CELF6: variants seen among roughly 807,000 people sequenced by gnomAD.
The protein encoded by CELF6 is Bruno -like 6, RNA binding protein.
Under a neutral mutation model 53.1 loss-of-function variants are expected in CELF6, and 32 were observed. The ratio of observed to expected loss-of-function variants is 0.60; its 90% CI spans 0.46 to 0.81. The LOEUF is 0.81. Ranked by LOEUF, CELF6 falls within the 30% of genes least tolerant of loss-of-function variation. The pLI, the probability that CELF6 is intolerant of heterozygous loss-of-function variation, is 0.00. For synonymous variants in CELF6, 291 were observed against 288.8 expected, an observed-to-expected ratio of 1.01 and a Z score of -0.08; for missense variants, 539 against 669.5, an observed-to-expected ratio of 0.81 and a Z score of 2.15.
chr15:72,294,932 T>G (rs1425454359), intron 3 of CELF6, among the ~76,000 whole-genome samples: 3 of 144,404 alleles, frequency 2.1e-5, no homozygotes, highest in African/African-American at 7.7e-5. Context: ...GAGCTGAGAT[T>G]GTGCCGCTGC....
chr15:72,290,334 G>C, intron 3 of CELF6, 79 bp from the exon 4 acceptor site: 1 of 1,503,076 alleles, frequency 6.7e-7, no homozygotes, highest in Non-Finnish European at 8.9e-7. Flanking sequence ...ACTTAGGAAG[G>C]CAGCTCACCA....
Position 72,288,738 on chromosome 15 carries a change from A to G in CELF6, c.1094-120T>C, listed in dbSNP as rs543457025. ...TCCACCATAACCCTCACCCCAAGAGAGGTCGTTCTGGGGGTAGGAGGGGAT... is the reference window on the plus strand; with the variant it reads ...TCCACCATAACCCTCACCCCAAGAGGGGTCGTTCTGGGGGTAGGAGGGGAT... On this transcript the variant is annotated intron_variant, in intron 9 of 12. Coordinates refer to ENST00000287202, the MANE Select transcript of CELF6 (RefSeq NM_052840.5). The surrounding 1 kb of genome is among the most constrained non-coding windows in gnomAD (Gnocchi z 4.6). The G allele has an allele frequency of 1.0e-3, 1,405 of 1,356,488 alleles. 3 individuals carry two copies. The highest frequency in any genetic ancestry group is 3.6e-3 in the South Asian group (290 of 80,580). 84.0% of individuals were successfully genotyped at this position (1,356,488 alleles called of 1,614,324 possible).
At chr15:72,290,335 C>T (rs2087989170) in intron 3 of CELF6, 80 bp from the exon 4 acceptor site, 3 of 1,496,504 alleles carry the variant, frequency 2.0e-6, no homozygotes, top group South Asian at 1.2e-5. Flanking sequence ...CTTAGGAAGG[C>T]AGCTCACCAG....
intron 2 of CELF6, 133 bp downstream of exon 2, chr15:72,315,712 A>G (rs1430690037): frequency 1.8e-6 from 1 of 563,088 alleles, no homozygotes; most frequent in Non-Finnish European, 3.1e-6. Flanking sequence ...GGGTACAGGA[A>G]GCCCTCTCCT....
intron 2 of CELF6, among the ~76,000 whole-genome samples, chr15:72,307,556 T>C (rs1353145690): frequency 6.6e-6 from 1 of 152,212 alleles, no homozygotes; most frequent in East Asian, 1.9e-4. Flanking sequence ...GGAATACAAG[T>C]GTCCCCATAT....
At chr15:72,311,503 C>T (rs1461617827) in intron 2 of CELF6, among the ~76,000 whole-genome samples, 1 of 151,368 alleles carries the variant, frequency 6.6e-6, no homozygotes, top group Non-Finnish European at 1.5e-5. Context: ...CCCAGGTTCA[C>T]GCCTTTCTCC....
chr15:72,308,608 G>A (rs186318643), intron 2 of CELF6, among the ~76,000 whole-genome samples: 2 of 152,178 alleles, frequency 1.3e-5, no homozygotes, highest in South Asian at 2.1e-4. Flanking sequence ...TGTGAAAACC[G>A]CATCAAGGAA....
intron 3 of CELF6, among the ~76,000 whole-genome samples, chr15:72,303,492 C>G (rs1017029853): frequency 1.3e-5 from 2 of 152,190 alleles, no homozygotes; most frequent in African/African-American, 4.8e-5. Context: ...GTCACCAGAA[C>G]TCTGTGTGTG....
chr15:72,303,084 G>A (rs2162235), intron 3 of CELF6, among the ~76,000 whole-genome samples: 113,794 of 152,232 alleles, frequency 0.75, 48,516 homozygotes, highest in Non-Finnish European at 0.94. Context: ...GATGTTGGTT[G>A]TGTGGTTGAA....
rs2087983666 is a variant in CELF6 at position 72,289,947 on chromosome 15, T to C, written c.595A>G (p.Thr199Ala). The change falls in exon 5 of 13, where the codon ACC becomes GCC. Residue 199 changes from threonine (T) to alanine (A), a missense_variant. Thr to Ala is a moderately conservative substitution (Grantham distance 58). Transcript: ENST00000287202. The surrounding 1 kb of genome is among the most constrained non-coding windows in gnomAD (Gnocchi z 7.6). Reference sequence around the variant, plus strand: ...AGGGAACCCGCCCTCACCGCCATGGTCCGGCTGCCGTGCAGACCCCGGATG... The same window carrying C: ...AGGGAACCCGCCCTCACCGCCATGGCCCGGCTGCCGTGCAGACCCCGGATG... The part of the protein sequence containing the change: ...AAIRGLHGSR[T>A]MAGASSSLVV... 2 of 1,568,634 alleles carry C rather than the reference T, an allele frequency of 1.3e-6. No individual in the cohort carries two copies. Among genetic ancestry groups the C allele is most frequent in the Non-Finnish European group, 1.7e-6 (2 of 1,158,096 alleles).
Position 72,288,982 on chromosome 15 carries a change from G to C in CELF6, c.1031-52C>G. 1 of 1,496,916 alleles carries C rather than the reference G, an allele frequency of 6.7e-7. No homozygotes were observed. The highest frequency in any genetic ancestry group is 9.1e-7 in the Non-Finnish European group (1 of 1,101,640). 92.7% of individuals were successfully genotyped at this position (1,496,916 alleles called of 1,614,324 possible). A position where few individuals can be genotyped will look rare whatever the true frequency, so the allele number is the denominator to read the frequency against. Reference sequence around the variant, plus strand: ...CAGTGAAGGCAAGCGGGCGAGCAGAGTGGGTGAGAAGCTCAGGGAGTGTGG... The same window carrying C: ...CAGTGAAGGCAAGCGGGCGAGCAGACTGGGTGAGAAGCTCAGGGAGTGTGG... On this transcript the variant is annotated intron_variant, in intron 8 of 12. Coordinates refer to ENST00000287202, the MANE Select transcript of CELF6 (RefSeq NM_052840.5). This position sits in a 1 kb window ranked among gnomAD's most constrained non-coding sequence, Gnocchi z 4.6.
chr15:72,315,174 G>A (rs1262121714), intron 2 of CELF6, among the ~76,000 whole-genome samples: 5 of 152,214 alleles, frequency 3.3e-5, no homozygotes, highest in African/African-American at 1.2e-4. Context: ...AAACAAGGCT[G>A]TATAGTATGA....
intron 1 of CELF6, among the ~76,000 whole-genome samples, chr15:72,316,647 G>A (rs879511424): frequency 4.6e-5 from 7 of 152,256 alleles, no homozygotes; most frequent in South Asian, 4.1e-4. Flanking sequence ...ATGGGTCAGC[G>A]AAGAGGTCTA....
At position 72,319,580 on chromosome 15, in the gene CELF6, GGGGCTGGGCT is replaced by G. The variant is rs752640728; in HGVS notation, c.262+23_262+32del. 2 of 1,510,606 alleles carry G rather than the reference GGGGCTGGGCT, an allele frequency of 1.3e-6. No homozygotes were observed. The highest frequency in any genetic ancestry group is 2.6e-5 in the South Asian group (2 of 77,338). 93.6% of individuals were successfully genotyped at this position (1,510,606 alleles called of 1,614,324 possible). On this transcript the variant is annotated intron_variant, in intron 1 of 12. Coordinates refer to ENST00000287202, the MANE Select transcript of CELF6 (RefSeq NM_052840.5). The surrounding 1 kb of genome is among the most constrained non-coding windows in gnomAD (Gnocchi z 5.0). Reference sequence around the variant, plus strand: ...GGTCGGGCCACACTCTAATCGGATTGGGGCTGGGCTGGGCTGGGCTGACCCCGCGCACCTT... The same window carrying G: ...GGTCGGGCCACACTCTAATCGGATTGGGGCTGGGCTGACCCCGCGCACCTT...
At chr15:72,290,278 C>A (rs149269869) in intron 3 of CELF6, 23 bp from the exon 4 acceptor site, 48 of 1,608,704 alleles carry the variant, frequency 3.0e-5, no homozygotes, top group Non-Finnish European at 3.9e-5. Flanking sequence ...CCAGGAATGA[C>A]CTGGGGACCC....
chr15:72,294,539 G>C lies in CELF6; in HGVS notation c.395-4284C>G, dbSNP rs140203289. On this transcript the variant is annotated intron_variant, in intron 3 of 12. Coordinates refer to ENST00000287202, the MANE Select transcript of CELF6 (RefSeq NM_052840.5). ...AGAGTCTCCTGGCCAGATGTGACAGGCATCAGGAGGGACTTAAATTCCACA... is the reference window on the plus strand; with the variant it reads ...AGAGTCTCCTGGCCAGATGTGACAGCCATCAGGAGGGACTTAAATTCCACA... Among the ~76,000 whole-genome samples, 554 of 152,314 alleles carry C rather than the reference G, an allele frequency of 3.6e-3. 4 individuals are homozygous for C. The highest frequency in any genetic ancestry group is 0.013 in the African/African-American group (525 of 41,572).
chr15:72,286,779 C>T (rs1382695033), intron 12 of CELF6, among the ~76,000 whole-genome samples: 1 of 152,232 alleles, frequency 6.6e-6, no homozygotes, highest in Non-Finnish European at 1.5e-5. Flanking sequence ...TCCATGTTCA[C>T]TGCCACTATC....
rs1426353691 is a variant in CELF6 at position 72,319,916 on chromosome 15, G to A, written c.-42C>T. On this transcript the variant is annotated 5_prime_UTR_variant, in exon 1 of 13. Transcript: ENST00000287202. The surrounding 1 kb of genome is among the most constrained non-coding windows in gnomAD (Gnocchi z 5.0). ...CCCTCCCGCCGGTCCCACTGGTCCCGCCTGTCCCGCCGTCCCCTCCCTGGA... is the reference window on the plus strand; with the variant it reads ...CCCTCCCGCCGGTCCCACTGGTCCCACCTGTCCCGCCGTCCCCTCCCTGGA... The A allele has an allele frequency of 2.1e-6, 3 of 1,417,682 alleles. No individual in the cohort carries two copies. The highest frequency in any genetic ancestry group is 2.7e-6 in the Non-Finnish European group (3 of 1,093,492). 87.8% of individuals were successfully genotyped at this position (1,417,682 alleles called of 1,614,324 possible). A position where few individuals can be genotyped will look rare whatever the true frequency, so the allele number is the denominator to read the frequency against.
chr15:72,291,855 A>G (rs2959941), intron 3 of CELF6, among the ~76,000 whole-genome samples: 147,935 of 152,212 alleles, frequency 0.97, 72,034 homozygotes, highest in East Asian at 1. Context: ...TGATCCTTGG[A>G]GAGGGGATGG....
Sources: allele counts gnomAD v4.1 joint callset (sites outside exome capture counted in the v4.1 genomes callset), GRCh38; gene constraint gnomAD v4.1.1; non-coding constraint Gnocchi (gnomAD v3.1); transcripts MANE v1.5; gene names NCBI Gene and HGNC (gene_info 2026-07-23, HGNC 2026-07-21).